Variants in ADCY10 observed in about 807,000 individuals in gnomAD.
The protein encoded by ADCY10 is adenylate cyclase type 10.
Under a neutral mutation model 183.3 loss-of-function variants are expected in ADCY10, and 156 were observed. The observed-to-expected ratio is 0.85, with a 90% CI of 0.75 to 0.97. The LOEUF (loss-of-function observed/expected upper bound fraction) is 0.97, where lower values mean the gene tolerates loss of function less well. ADCY10 is among the 50% of genes least tolerant of loss of function. The probability of loss-of-function intolerance (pLI) is 0.00; values close to 1 mark genes in which losing one functional copy is unlikely to be tolerated. For missense variants in ADCY10, 1,745 were observed against 1,934.3 expected, an observed-to-expected ratio of 0.90 and a Z score of 1.84; for synonymous variants, 645 against 670.0, an observed-to-expected ratio of 0.96 and a Z score of 0.58.
At chr1:167,882,695 T>C (rs1389639742) in intron 9 of ADCY10, among the ~76,000 whole-genome samples, 2 of 151,748 alleles carry the variant, frequency 1.3e-5, no homozygotes, top group African/African-American at 2.4e-5. Context: ...TGGAGACTTA[T>C]GTGTAGTGAG....
chr1:167,835,228 G>C (rs1017309831), intron 23 of ADCY10, among the ~76,000 whole-genome samples: 1 of 152,166 alleles, frequency 6.6e-6, no homozygotes, highest in Non-Finnish European at 1.5e-5. Context: ...CATGAAAAGA[G>C]ATCTAAGGGC....
intron 13 of ADCY10, among the ~76,000 whole-genome samples, chr1:167,873,918 A>G (rs1170376869): frequency 6.6e-6 from 1 of 152,254 alleles, no homozygotes; most frequent in African/African-American, 2.4e-5. Context: ...GAGTGGGAAA[A>G]GTGATATACA....
At position 167,854,383 on chromosome 1, in the gene ADCY10, T is replaced by G. The variant is rs200458596; in HGVS notation, c.2278A>C (p.Lys760Gln). ...LVFQQTESEE[K>Q]TNRTWNNLFK... ...AGGTTATTCCAGGTCCTATTTGTCT[T>G]TTCCTCAGACTCCGTTTGTTGGAAA... Residue 760 changes from lysine to glutamine, a missense_variant, in exon 18 of 33, where the codon AAG (lysine) becomes CAG (glutamine). By Grantham distance (53) the Lys-to-Gln change is moderately conservative. Coordinates refer to ENST00000367851, the MANE Select transcript of ADCY10 (RefSeq NM_018417.6). 74 of 1,614,190 alleles carry G rather than the reference T, an allele frequency of 4.6e-5. No individual in the cohort carries two copies. In the Admixed American group the frequency reaches 4.8e-4, roughly 11 times the overall value.
intron 31 of ADCY10, among the ~76,000 whole-genome samples, chr1:167,813,358 T>TA (rs567028107): frequency 1.3e-5 from 2 of 151,158 alleles, no homozygotes; most frequent in South Asian, 2.1e-4. Context: ...TTCAAAATAT[T>TA]AAAAAAACAA....
intron 22 of ADCY10, 148 bp downstream of exon 22, chr1:167,837,101 G>T: frequency 1.4e-6 from 1 of 720,042 alleles, no homozygotes; most frequent in East Asian, 2.6e-5. Context: ...GGATACTACT[G>T]ACTAAACTCA....
At chr1:167,895,625 G>GT (rs1668918411) in intron 7 of ADCY10, among the ~76,000 whole-genome samples, 1 of 152,148 alleles carries the variant, frequency 6.6e-6, no homozygotes, top group East Asian at 1.9e-4. Context: ...TATTTTGTTT[G>GT]TTTTTTATGA....
In ADCY10 at chr1:167,829,276, ATTTT is replaced by A. The variant is rs1663536410; in HGVS notation, c.3737_3740del (p.Gln1246LeufsTer10). The A allele has an allele frequency of 1.9e-6, 3 of 1,613,916 alleles. No homozygotes were observed. In the African/African-American group the frequency reaches 4.0e-5, roughly 22 times the overall value. On this transcript the variant is annotated frameshift_variant, in exon 26 of 33. Transcript: ENST00000367851. LOFTEE classifies it high-confidence loss of function. ...TACAAAAATCCCCTACCTGGAAACAATTTTGAGTTTCCAGTGCAGTATTCATTTG... is the reference window on the plus strand; with the variant it reads ...TACAAAAATCCCCTACCTGGAAACAAGAGTTTCCAGTGCAGTATTCATTTG...
chr1:167,904,991 G>A lies in ADCY10; in HGVS notation c.148+2C>T. 1 of 1,614,172 alleles carries A rather than the reference G, an allele frequency of 6.2e-7. No homozygotes were observed. The highest frequency in any genetic ancestry group is 8.5e-7 in the Non-Finnish European group (1 of 1,180,036). Reference sequence around the variant, plus strand: ...TTAAACAAACATCCCTTTTGCACTTGCCTGAAATATCAACAAACATCAGGA... The same window carrying A: ...TTAAACAAACATCCCTTTTGCACTTACCTGAAATATCAACAAACATCAGGA... On this transcript the variant is annotated splice_donor_variant, in intron 2 of 32. Coordinates refer to ENST00000367851, the MANE Select transcript of ADCY10 (RefSeq NM_018417.6). LOFTEE classifies it low-confidence loss of function (GC_TO_GT_DONOR).
At chr1:167,884,028 G>A (rs910769097) in intron 8 of ADCY10, among the ~76,000 whole-genome samples, 1 of 152,096 alleles carries the variant, frequency 6.6e-6, no homozygotes, top group Non-Finnish European at 1.5e-5. Context: ...TTTGATACAG[G>A]CATGCAATGC....
intron 1 of ADCY10, among the ~76,000 whole-genome samples, chr1:167,911,400 C>G (rs1425024442): frequency 2.6e-5 from 4 of 152,160 alleles, no homozygotes; most frequent in African/African-American, 7.2e-5. Flanking sequence ...AAATATTTGC[C>G]CTGGCATGCT....
chr1:167,854,238 C>A (rs1665716490), intron 18 of ADCY10, 115 bp downstream of exon 18: 1 of 1,298,140 alleles, frequency 7.7e-7, no homozygotes, highest in Admixed American at 1.7e-5. Context: ...CTCCCCAGAA[C>A]CTTCTGACTC....
At chr1:167,810,958 G>T in intron 31 of ADCY10, 45 bp from the exon 32 acceptor site, 9 of 1,553,160 alleles carry the variant, frequency 5.8e-6, no homozygotes, top group Non-Finnish European at 8.0e-6. Flanking sequence ...TTAAACAGGG[G>T]TCCTTGACTG....
chr1:167,877,065 A>C (rs987168648), intron 12 of ADCY10, among the ~76,000 whole-genome samples: 1 of 151,962 alleles, frequency 6.6e-6, no homozygotes, highest in Non-Finnish European at 1.5e-5. Context: ...ATTTGTGAGA[A>C]AAATAAATGT....
At chr1:167,850,878 G>C (rs1665430956) in intron 18 of ADCY10, among the ~76,000 whole-genome samples, 1 of 152,110 alleles carries the variant, frequency 6.6e-6, no homozygotes, top group East Asian at 1.9e-4. Flanking sequence ...ATTCAGGAGA[G>C]CACAAAACTC....
At chr1:167,840,808 T>A (rs1558171242) in intron 21 of ADCY10, among the ~76,000 whole-genome samples, 1 of 152,036 alleles carries the variant, frequency 6.6e-6, no homozygotes, top group Non-Finnish European at 1.5e-5. Flanking sequence ...AGCAAAGATA[T>A]CACCTGCCCA....
At position 167,848,453 on chromosome 1, in the gene ADCY10, A is replaced by C. The variant is rs745962094; in HGVS notation, c.2345T>G (p.Val782Gly). ...SIKLTEKLNM[V>G]TLHSDKESEE... ...ACTTTCCTTATCACTATGGAGAGTA[A>C]CCATGTTTAACTTCTCTGTTAGCTT... Residue 782 changes from valine (V) to glycine (G), a missense_variant, in exon 19 of 33, where the codon GTT becomes GGT. By Grantham distance (109) the Val-to-Gly change is moderately radical. Coordinates refer to ENST00000367851, the MANE Select transcript of ADCY10 (RefSeq NM_018417.6). 6.2e-7 allele frequency: 1 copy of C among 1,613,528 alleles called. No individual in the cohort carries two copies.
At chr1:167,840,895 T>C (rs1047794962) in intron 21 of ADCY10, among the ~76,000 whole-genome samples, 44 of 151,888 alleles carry the variant, frequency 2.9e-4, no homozygotes, top group Non-Finnish European at 7.4e-5. Context: ...ATCTTCTGTC[T>C]CCCCAGGTTC....
Position 167,833,853 on chromosome 1 carries a change from T to G in ADCY10, c.3417+117A>C, listed in dbSNP as rs1330324897. Reference sequence around the variant, plus strand: ...GGATTTGAGTTTCTAGAGTCTTGGCTAGAAGTCTGTGGCAAGAGATGGGAG... The same window carrying G: ...GGATTTGAGTTTCTAGAGTCTTGGCGAGAAGTCTGTGGCAAGAGATGGGAG... On this transcript the variant is annotated intron_variant, in intron 24 of 32. Coordinates refer to ENST00000367851, the MANE Select transcript of ADCY10 (RefSeq NM_018417.6). The G allele has an allele frequency of 1.3e-4, 109 of 819,632 alleles. 1 individual carries two copies. The highest frequency in any genetic ancestry group is 2.0e-5 in the Non-Finnish European group (10 of 496,154). The allele number at this position is 819,632 out of a possible 1,614,324, so 50.8% of individuals were successfully genotyped here. A position where few individuals can be genotyped will look rare whatever the true frequency, so the allele number is the denominator to read the frequency against.
At position 167,888,927 on chromosome 1, in the gene ADCY10, A is replaced by G. The variant is rs114807204; in HGVS notation, c.828+4926T>C. 5.5e-3 allele frequency among the ~76,000 whole-genome samples: 826 copies of G among 151,202 alleles called. 8 individuals are homozygous for G. Among genetic ancestry groups the G allele is most frequent in the African/African-American group, 0.019 (798 of 41,376 alleles). Reference sequence around the variant, plus strand: ...AAAAAGAAATGCTGATTTTTGTATGATGATTTTGTATACTGTGACCTTGTT... The same window carrying G: ...AAAAAGAAATGCTGATTTTTGTATGGTGATTTTGTATACTGTGACCTTGTT... On this transcript the variant is annotated intron_variant, in intron 8 of 32. Transcript: ENST00000367851.
Sources: allele counts gnomAD v4.1 joint callset (sites outside exome capture counted in the v4.1 genomes callset), GRCh38; gene constraint gnomAD v4.1.1; transcripts MANE v1.5; gene names NCBI Gene and HGNC (gene_info 2026-07-23, HGNC 2026-07-21).